Variants in HTR3B observed in about 807,000 individuals in gnomAD.
HTR3B encodes 5-hydroxytryptamine (serotonin) receptor 3B, ionotropic.
A neutral mutation model predicts 42.8 loss-of-function variants in HTR3B; 44 were observed. That is an observed-to-expected ratio of 1.03 (90% CI 0.81 to 1.32). HTR3B has a LOEUF of 1.32. Among genes scored for constraint, HTR3B ranks in the 40% most tolerant of loss-of-function variants. The pLI is 0.00. For missense variants in HTR3B, 527 were observed against 536.5 expected (o/e 0.98, Z 0.17); for synonymous variants, 203 against 209.0 (o/e 0.97, Z 0.25).
intron 8 of HTR3B, 91 bp downstream of exon 8, chr11:113,944,846 C>T: frequency 7.9e-7 from 1 of 1,261,088 alleles, no homozygotes; most frequent in Admixed American, 2.2e-5. Flanking sequence ...TTGCGTTGGC[C>T]TATGTGAAAA....
intron 2 of HTR3B, among the ~76,000 whole-genome samples, chr11:113,922,084 C>T (rs901813367): frequency 4.6e-5 from 7 of 152,194 alleles, no homozygotes; most frequent in African/African-American, 1.4e-4. Context: ...AAATGTCTTT[C>T]TCTTCATTCT....
upstream of HTR3B, among the ~76,000 whole-genome samples, chr11:113,900,871 A>G (rs1250307052): frequency 6.6e-6 from 1 of 152,170 alleles, no homozygotes; most frequent in South Asian, 2.1e-4. Context: ...GTGGAGAGAG[A>G]GAGAGAAGGG....
chr11:113,908,823 G>A (rs987664590), intron 1 of HTR3B, among the ~76,000 whole-genome samples: 18 of 152,088 alleles, frequency 1.2e-4, no homozygotes, highest in African/African-American at 4.1e-4. Context: ...ATCTATACAA[G>A]TTTTTTGGGT....
At chr11:113,928,224 T>C (rs768224464) in intron 2 of HTR3B, among the ~76,000 whole-genome samples, 13 of 152,232 alleles carry the variant, frequency 8.5e-5, no homozygotes, top group Non-Finnish European at 1.8e-4. Context: ...CATTCTTTTT[T>C]TTATGGCTGC....
At chr11:113,915,847 T>G (rs1043855093) in intron 2 of HTR3B, among the ~76,000 whole-genome samples, 1 of 132,104 alleles carries the variant, frequency 7.6e-6, no homozygotes, top group Admixed American at 7.9e-5. Context: ...TCTTTAAATG[T>G]TTTTTTTTTA....
intron 2 of HTR3B, among the ~76,000 whole-genome samples, chr11:113,917,458 G>A (rs1949866873): frequency 6.6e-6 from 1 of 151,984 alleles, no homozygotes; most frequent in African/African-American, 2.4e-5. Flanking sequence ...TTTTCTTCCA[G>A]TTGTTTTATT....
At chr11:113,924,031 G>T (rs1334091793) in intron 2 of HTR3B, among the ~76,000 whole-genome samples, 1 of 152,104 alleles carries the variant, frequency 6.6e-6, no homozygotes, top group Non-Finnish European at 1.5e-5. Context: ...ATAGTGAAAT[G>T]AAACATGAAA....
At chr11:113,917,533 G>T (rs945269397) in intron 2 of HTR3B, among the ~76,000 whole-genome samples, 7 of 151,990 alleles carry the variant, frequency 4.6e-5, no homozygotes, top group African/African-American at 1.7e-4. Context: ...TCTCTCTTTG[G>T]TTCTGCCAAC....
chr11:113,925,055 C>A (rs904540628), intron 2 of HTR3B, among the ~76,000 whole-genome samples: 1 of 152,180 alleles, frequency 6.6e-6, no homozygotes, highest in Admixed American at 6.5e-5. Context: ...TGCCACCTGG[C>A]GCAGAGCCAC....
chr11:113,914,565 C>T (rs1376100933), intron 2 of HTR3B, among the ~76,000 whole-genome samples: 1 of 151,942 alleles, frequency 6.6e-6, no homozygotes, highest in Admixed American at 6.6e-5. Context: ...TCACTGCAAC[C>T]TCCGCCTCCT....
At chr11:113,903,098 T>C (rs902726050), upstream of HTR3B, among the ~76,000 whole-genome samples, 4 of 152,182 alleles carry the variant, frequency 2.6e-5, no homozygotes, top group Non-Finnish European at 4.4e-5. Context: ...CTCAAATTCC[T>C]GGGCTCAAGC....
chr11:113,927,395 A>C (rs1480027858), intron 2 of HTR3B, among the ~76,000 whole-genome samples: 2 of 152,176 alleles, frequency 1.3e-5, no homozygotes, highest in Non-Finnish European at 2.9e-5. Context: ...ATTATAATAT[A>C]CTTATAGATA....
rs180687210 is a variant in HTR3B, at chr11:113,947,827, G to A, written c.*1690G>A. Among the ~76,000 whole-genome samples, 6 of 152,232 alleles carry A rather than the reference G, an allele frequency of 3.9e-5. No homozygotes were observed. The highest frequency in any genetic ancestry group is 4.2e-4 in the South Asian group (2 of 4,818). ...TTCAGCCCATAACACTAGTGATTCC[G>A]GAGGTTTAGCAAGTCCAGATTCTGC... On this transcript the variant is annotated 3_prime_UTR_variant, in exon 9 of 9. Transcript: ENST00000260191.
Position 113,904,867 on chromosome 11 carries a change from G to T in HTR3B, c.-67G>T. 1 of 1,241,844 alleles carries T rather than the reference G, an allele frequency of 8.1e-7. No individual in the cohort carries two copies. The highest frequency in any genetic ancestry group is 1.2e-5 in the South Asian group (1 of 83,162). The allele number at this position is 1,241,844 out of a possible 1,614,324, so 76.9% of individuals were successfully genotyped here. On this transcript the variant is annotated 5_prime_UTR_variant, in exon 1 of 9. Transcript: ENST00000260191. ...ACAGAGTGGAGAGGAACCCTGTTAG[G>T]AGAAATTGAGCGGCATTCCATCTGG...
intron 2 of HTR3B, among the ~76,000 whole-genome samples, chr11:113,927,798 T>A (rs1373324111): frequency 6.6e-6 from 1 of 152,100 alleles, no homozygotes; most frequent in Non-Finnish European, 1.5e-5. Context: ...CATCAGTTGA[T>A]CCTCCCACCT....
At chr11:113,907,848 C>G (rs1949745055) in intron 1 of HTR3B, among the ~76,000 whole-genome samples, 1 of 152,132 alleles carries the variant, frequency 6.6e-6, no homozygotes, top group South Asian at 2.1e-4. Context: ...GTGAAGCTGC[C>G]CACAGCAAAG....
At chr11:113,928,923 C>A (rs1463525197) in intron 2 of HTR3B, among the ~76,000 whole-genome samples, 1 of 152,172 alleles carries the variant, frequency 6.6e-6, no homozygotes, top group Non-Finnish European at 1.5e-5. Flanking sequence ...TGTCGATGGA[C>A]ACTTGGGTTG....
At chr11:113,905,164 T>C (rs544069786) in intron 1 of HTR3B, among the ~76,000 whole-genome samples, 179 bp downstream of exon 1, 6 of 152,298 alleles carry the variant, frequency 3.9e-5, no homozygotes, top group Non-Finnish European at 5.9e-5. Context: ...ACTTGGCTCC[T>C]ATGATTGCAA....
rs748642224 is a variant in HTR3B, at chr11:113,932,375, T to C, written c.455T>C (p.Val152Ala). 3 of 1,613,968 alleles carry C rather than the reference T, an allele frequency of 1.9e-6. No homozygotes were observed. The East Asian group carries it at 6.7e-5, about 36-fold the overall frequency. ...GAGAACTATAAGCCCATCCAGGTGG[T>C]CTCTGCGTGCAGTTTAGAGACATAT... ...TIENYKPIQV[V>A]SACSLETYAF... The change falls in exon 5 of 9, where the codon GTC (valine) becomes GCC (alanine). Residue 152 changes from valine (V) to alanine (A), a missense_variant. By Grantham distance (64) the Val-to-Ala change is moderately conservative (BLOSUM62 0). Coordinates refer to ENST00000260191, the MANE Select transcript of HTR3B (RefSeq NM_006028.5).
Sources: allele counts gnomAD v4.1 joint callset (sites outside exome capture counted in the v4.1 genomes callset), GRCh38; gene constraint gnomAD v4.1.1; transcripts MANE v1.5; gene names NCBI Gene and HGNC (gene_info 2026-07-23, HGNC 2026-07-21).